Variants in FSTL5 observed in about 807,000 individuals in gnomAD.
The protein encoded by FSTL5 is follistatin like 5.
In FSTL5, 62 loss-of-function variants were observed where a neutral mutation model predicts 89.1. The observed-to-expected ratio is 0.70, with a 90% CI of 0.57 to 0.86. The LOEUF is 0.86. Ranked by LOEUF, FSTL5 falls within the 40% of genes least tolerant of loss-of-function variation. FSTL5 has a pLI of 0.00. For missense variants in FSTL5, 1,057 were observed against 1,001.6 expected, an observed-to-expected ratio of 1.06 and a Z score of -0.75; for synonymous variants, 383 against 346.2, an observed-to-expected ratio of 1.11 and a Z score of -1.18.
intron 4 of FSTL5, among the ~76,000 whole-genome samples, chr4:161,791,623 A>C (rs1437380629): frequency 6.6e-6 from 1 of 152,176 alleles, no homozygotes; most frequent in Non-Finnish European, 1.5e-5. Context: ...TTTGGACCTC[A>C]GATTTATACA....
intron 3 of FSTL5, among the ~76,000 whole-genome samples, chr4:162,005,100 C>G (rs923347295): frequency 1.3e-5 from 2 of 152,166 alleles, no homozygotes; most frequent in African/African-American, 4.8e-5. Flanking sequence ...GCTCTAGCTG[C>G]CTTGGCCTAT....
intron 7 of FSTL5, among the ~76,000 whole-genome samples, chr4:161,595,502 GT>G (rs1376628526): frequency 6.6e-6 from 1 of 152,060 alleles, no homozygotes; most frequent in Non-Finnish European, 1.5e-5. Context: ...ATTTTGTTGA[GT>G]TGATTGCTTA....
Sources: gnomAD v4.1 joint callset for allele counts (sites outside exome capture counted in the v4.1 genomes callset) on GRCh38, gnomAD v4.1.1 for gene constraint, MANE v1.5 for transcripts, NCBI Gene and HGNC (gene_info 2026-07-23, HGNC 2026-07-21) for gene names.